SFMBT2: variants seen among roughly 807,000 people sequenced by gnomAD.
SFMBT2 encodes the protein scm-like with four MBT domains protein 2.
Under a neutral mutation model 110.1 loss-of-function variants are expected in SFMBT2, and 38 were observed. That is an observed-to-expected ratio of 0.35 (90% CI 0.27 to 0.45). SFMBT2 has a LOEUF of 0.45. Among genes scored for constraint, SFMBT2 ranks in the 20% least tolerant of loss-of-function variants. SFMBT2 has a pLI of 1.00. For missense variants in SFMBT2, 1,011 were observed against 1,094.9 expected (o/e 0.92, Z 1.08); for synonymous variants, 425 against 425.4 (o/e 1.00, Z 0.01).
At chr10:7,195,498 C>T (rs1838738902) in intron 15 of SFMBT2, among the ~76,000 whole-genome samples, 1 of 152,210 alleles carries the variant, frequency 6.6e-6, no homozygotes, top group African/African-American at 2.4e-5. Context: ...AGGAAGGCAG[C>T]TCCATTCTGC....
chr10:7,330,055 G>A (rs1482285773), intron 4 of SFMBT2, among the ~76,000 whole-genome samples: 1 of 152,148 alleles, frequency 6.6e-6, no homozygotes, highest in African/African-American at 2.4e-5. Context: ...GATGGTCTAA[G>A]ACAACCTGTG....
chr10:7,168,161 T>A (rs1837752767), intron 20 of SFMBT2, among the ~76,000 whole-genome samples: 1 of 152,082 alleles, frequency 6.6e-6, no homozygotes, highest in Admixed American at 6.5e-5. Flanking sequence ...GGCATGAAAC[T>A]TTTCTCTGGT....
At chr10:7,228,289 C>T (rs1839958912) in intron 9 of SFMBT2, 1 of 465,994 alleles carries the variant, frequency 2.1e-6, no homozygotes, top group Non-Finnish European at 2.8e-6. Context: ...ACAATGACAT[C>T]TCCCTTCATA....
intron 11 of SFMBT2, among the ~76,000 whole-genome samples, chr10:7,213,389 G>A (rs1172310368): frequency 2.6e-5 from 4 of 152,194 alleles, no homozygotes; most frequent in African/African-American, 9.7e-5. Context: ...ACAGAGCCAG[G>A]GAGGAGGGCC....
In SFMBT2 at chr10:7,367,260, C is replaced by T. The variant is rs2132050783; in HGVS notation, c.436+389G>A. 6.6e-6 allele frequency among the ~76,000 whole-genome samples: 1 copy of T among 151,024 alleles called. No individual in the cohort carries two copies. Among genetic ancestry groups the T allele is most frequent in the African/African-American group, 2.4e-5 (1 of 40,884 alleles). On this transcript the variant is annotated intron_variant, in intron 4 of 20. Transcript: ENST00000397167. The surrounding 1 kb of genome is among the most constrained non-coding windows in gnomAD (Gnocchi z 6.2). ...AAAAGCAACATGGCCAATCACCAAA[C>T]ACAAGACCTCAACTCCTGATGTCCT...
Position 7,227,864 on chromosome 10 carries a change from G to C in SFMBT2, c.1194C>G (p.Cys398Trp). The stretch of plus-strand genomic sequence containing the variant: ...GAGAGAAGCTTCTTACATTTCGGAA[G>C]CAGAAGGGAGGGGCTTCCTGCGCCC... ...QHGAQEAPPF[C>W]FRNTSFSRGF... The change falls in exon 10 of 21, where the codon TGC (cysteine) becomes TGG (tryptophan). Residue 398 changes from cysteine to tryptophan, a missense_variant. By Grantham distance (215) the Cys-to-Trp change is radical (BLOSUM62 -2). Coordinates refer to ENST00000397167, the MANE Select transcript of SFMBT2 (RefSeq NM_001387889.1). The C allele has an allele frequency of 6.2e-7, 1 of 1,608,902 alleles. No individual in the cohort carries two copies. The highest frequency in any genetic ancestry group is 1.1e-5 in the South Asian group (1 of 89,670).
chr10:7,216,088 G>C (rs758148776), intron 11 of SFMBT2, among the ~76,000 whole-genome samples: 1 of 152,190 alleles, frequency 6.6e-6, no homozygotes, highest in Non-Finnish European at 1.5e-5. Context: ...GGGGAAACCA[G>C]GGCTTAAGCA....
At chr10:7,238,782 T>C (rs537139960) in intron 9 of SFMBT2, among the ~76,000 whole-genome samples, 2 of 152,326 alleles carry the variant, frequency 1.3e-5, no homozygotes, top group South Asian at 2.1e-4. Flanking sequence ...CCACTAATTA[T>C]ACAACTAATC....
intron 4 of SFMBT2, among the ~76,000 whole-genome samples, chr10:7,319,633 G>A (rs1843111408): frequency 6.6e-6 from 1 of 152,092 alleles, no homozygotes; most frequent in South Asian, 2.1e-4. Flanking sequence ...ATTAAACTAG[G>A]TGCTACCAAA....
At chr10:7,267,652 C>G (rs1841437770) in intron 7 of SFMBT2, among the ~76,000 whole-genome samples, 1 of 152,208 alleles carries the variant, frequency 6.6e-6, no homozygotes. Flanking sequence ...CCAGCCTCAG[C>G]CTCCCAAAGA....
intron 12 of SFMBT2, chr10:7,205,450 A>C (rs2131611698): frequency 1.0e-6 from 1 of 985,336 alleles, no homozygotes; most frequent in Non-Finnish European, 1.2e-6. Context: ...TTCTGTTAGG[A>C]GAAGCTACAT....
chr10:7,335,441 C>G (rs999715002), intron 4 of SFMBT2, among the ~76,000 whole-genome samples: 4 of 152,108 alleles, frequency 2.6e-5, no homozygotes, highest in Non-Finnish European at 5.9e-5. Flanking sequence ...CTTGGTGACC[C>G]CAACTGCTAC....
chr10:7,243,170 C>T (rs7910736), intron 9 of SFMBT2, among the ~76,000 whole-genome samples: 7,733 of 152,260 alleles, frequency 0.051, 395 homozygotes, highest in African/African-American at 0.13. Flanking sequence ...AAGCTTAGCT[C>T]GCTGGAAATA....
At chr10:7,261,100 C>G (rs1041990737) in intron 7 of SFMBT2, among the ~76,000 whole-genome samples, 3 of 152,094 alleles carry the variant, frequency 2.0e-5, no homozygotes, top group African/African-American at 7.2e-5. Context: ...GACTCCTGTG[C>G]CTCTCGAGTC....
At chr10:7,366,091 C>A (rs1212682234) in intron 4 of SFMBT2, among the ~76,000 whole-genome samples, 1 of 152,078 alleles carries the variant, frequency 6.6e-6, no homozygotes, top group Non-Finnish European at 1.5e-5. Flanking sequence ...ACAGTGTCAA[C>A]CTTGGTGCAG....
At chr10:7,222,245 A>G (rs539034707) in intron 10 of SFMBT2, among the ~76,000 whole-genome samples, 31 of 152,352 alleles carry the variant, frequency 2.0e-4, no homozygotes, top group African/African-American at 6.5e-4. Context: ...TCCACTTACC[A>G]GTTAAAGGAC....
At chr10:7,225,283 G>A (rs1442911257) in intron 10 of SFMBT2, among the ~76,000 whole-genome samples, 1 of 152,154 alleles carries the variant, frequency 6.6e-6, no homozygotes, top group Non-Finnish European at 1.5e-5. Context: ...TATTTACCAA[G>A]CATTTTACTG....
intron 17 of SFMBT2, among the ~76,000 whole-genome samples, chr10:7,174,477 G>C (rs1023296980): frequency 2.0e-5 from 3 of 152,188 alleles, no homozygotes; most frequent in African/African-American, 7.2e-5. Flanking sequence ...ATATCATTCT[G>C]TCCTCCTCCC....
At chr10:7,227,395 C>T (rs1839926137) in intron 10 of SFMBT2, among the ~76,000 whole-genome samples, 1 of 152,248 alleles carries the variant, frequency 6.6e-6, no homozygotes, top group African/African-American at 2.4e-5. Context: ...GCAGGACCCA[C>T]TTACTGGCCT....
Sources: allele counts gnomAD v4.1 joint callset (sites outside exome capture counted in the v4.1 genomes callset), GRCh38; gene constraint gnomAD v4.1.1; non-coding constraint Gnocchi (gnomAD v3.1); transcripts MANE v1.5; gene names NCBI Gene and HGNC (gene_info 2026-07-23, HGNC 2026-07-21).